Variants in CCDC3 observed in about 807,000 individuals in gnomAD.
CCDC3 encodes coiled-coil domain containing 3.
In CCDC3, 24 loss-of-function variants were observed where a neutral mutation model predicts 21.4. The observed-to-expected ratio is 1.12, with a 90% CI of 0.81 to 1.58. CCDC3 has a LOEUF of 1.58. Among genes scored for constraint, CCDC3 ranks in the 40% most tolerant of loss-of-function variants. The probability of loss-of-function intolerance (pLI) is 0.00; values close to 1 mark genes in which losing one functional copy is unlikely to be tolerated. For missense variants in CCDC3, 425 were observed against 360.9 expected, an observed-to-expected ratio of 1.18 and a Z score of -1.44; for synonymous variants, 186 against 166.0, an observed-to-expected ratio of 1.12 and a Z score of -0.93.
intron 2 of CCDC3, among the ~76,000 whole-genome samples, chr10:12,965,877 G>A (rs1208560668): frequency 6.6e-6 from 1 of 152,224 alleles, no homozygotes; most frequent in African/African-American, 2.4e-5. Flanking sequence ...CTGCACCAAA[G>A]TATGTAGAGA....
chr10:12,963,143 C>T (rs1835205791), intron 2 of CCDC3, among the ~76,000 whole-genome samples: 1 of 152,180 alleles, frequency 6.6e-6, no homozygotes, highest in Middle Eastern at 3.2e-3. Flanking sequence ...GCAATTGAGA[C>T]TGGGTTTCAT....
intron 4 of CCDC3, among the ~76,000 whole-genome samples, chr10:13,050,635 A>T (rs1025774787): frequency 3.3e-5 from 5 of 151,324 alleles, no homozygotes; most frequent in African/African-American, 1.2e-4. Flanking sequence ...TAATTTTTGT[A>T]TTTTTAGTAG....
intron 2 of CCDC3, among the ~76,000 whole-genome samples, chr10:12,906,483 G>A (rs1055201367): frequency 3.3e-5 from 5 of 152,168 alleles, no homozygotes; most frequent in Non-Finnish European, 7.3e-5. Context: ...TCCTGCGTCC[G>A]CTTCCTGATG....
At chr10:13,011,867 A>G (rs533024780) in intron 5 of CCDC3, among the ~76,000 whole-genome samples, 64 of 152,348 alleles carry the variant, frequency 4.2e-4, no homozygotes, top group African/African-American at 9.4e-4. Flanking sequence ...CCAATGGAAC[A>G]GAATAGTGAG....
chr10:12,913,198 A>G (rs527806625), intron 2 of CCDC3, among the ~76,000 whole-genome samples: 1 of 152,172 alleles, frequency 6.6e-6, no homozygotes, highest in Non-Finnish European at 1.5e-5. Flanking sequence ...CACTTTAACA[A>G]TATTCTTCTA....
At chr10:12,943,436 C>T (rs997051191) in intron 2 of CCDC3, among the ~76,000 whole-genome samples, 2 of 152,172 alleles carry the variant, frequency 1.3e-5, no homozygotes, top group Admixed American at 6.5e-5. Context: ...TCCCTTTTAA[C>T]AAAAAGCAGC....
upstream of CCDC3, among the ~76,000 whole-genome samples, chr10:13,002,146 C>T (rs770524157): frequency 2.0e-5 from 3 of 152,306 alleles, no homozygotes; most frequent in South Asian, 4.1e-4. Context: ...CGTGCTCTCT[C>T]AGATTTGCTA....
chr10:13,088,690 G>A (rs1197950417), intron 3 of CCDC3, among the ~76,000 whole-genome samples: 5 of 152,184 alleles, frequency 3.3e-5, no homozygotes, highest in African/African-American at 4.8e-5. Flanking sequence ...GCAGCATTAA[G>A]GAGACAAGAC....
chr10:12,932,482 T>TCC (rs1374780210), intron 2 of CCDC3, among the ~76,000 whole-genome samples: 1 of 152,212 alleles, frequency 6.6e-6, no homozygotes, highest in Admixed American at 6.5e-5. Flanking sequence ...TTGGAGACCA[T>TCC]CCATAGGAAA....
chr10:12,965,322 G>A (rs867476003), intron 2 of CCDC3, among the ~76,000 whole-genome samples: 1 of 152,088 alleles, frequency 6.6e-6, no homozygotes, highest in Non-Finnish European at 1.5e-5. Flanking sequence ...CCTGTTGTCA[G>A]TTTATTTCAT....
chr10:13,019,151 A>G (rs955843464), intron 5 of CCDC3, among the ~76,000 whole-genome samples: 24 of 152,060 alleles, frequency 1.6e-4, no homozygotes, highest in Admixed American at 2.6e-4. Context: ...GGAGAACGGC[A>G]TGAACCCGGG....
chr10:12,914,646 G>A (rs972594083), intron 2 of CCDC3, among the ~76,000 whole-genome samples: 3 of 151,112 alleles, frequency 2.0e-5, no homozygotes, highest in Non-Finnish European at 4.4e-5. Context: ...ATTTTGCTAT[G>A]TTGACCAGGC....
At chr10:12,954,679 G>C (rs1049492294) in intron 2 of CCDC3, among the ~76,000 whole-genome samples, 10 of 152,110 alleles carry the variant, frequency 6.6e-5, no homozygotes, top group African/African-American at 1.9e-4. Context: ...CATTCCCACG[G>C]AGATGGCACC....
At chr10:12,997,514 C>T (rs901982512) in intron 2 of CCDC3, among the ~76,000 whole-genome samples, 1 of 152,158 alleles carries the variant, frequency 6.6e-6, no homozygotes, top group African/African-American at 2.4e-5. Context: ...CATTCCCAAC[C>T]CTTACGATCC....
chr10:12,932,707 C>A (rs976619924), intron 2 of CCDC3, among the ~76,000 whole-genome samples: 1 of 152,144 alleles, frequency 6.6e-6, no homozygotes, highest in Non-Finnish European at 1.5e-5. Flanking sequence ...TGTTGAAAAG[C>A]AGTTCTGACA....
exon 2 of CCDC3, chr10:13,099,128 C>T (rs1282837524): frequency 1.3e-5 from 2 of 152,320 alleles, no homozygotes; most frequent in Non-Finnish European, 2.9e-5. Flanking sequence ...TCCTACACCA[C>T]ACCAACTCGA....
chr10:13,029,839 G>A (rs544566031), intron 5 of CCDC3, among the ~76,000 whole-genome samples: 2 of 152,274 alleles, frequency 1.3e-5, no homozygotes, highest in East Asian at 3.9e-4. Flanking sequence ...TATGGGACTA[G>A]GTGAAAAGAC....
chr10:12,982,121 C>CAAAAAAAAAAAA (rs71386135), intron 2 of CCDC3, among the ~76,000 whole-genome samples: 2 of 33,230 alleles, frequency 6.0e-5, no homozygotes, highest in African/African-American at 2.7e-4. Flanking sequence ...GACTCTGTCT[C>CAAAAAAAAAAAA]AAAAAAAAAA....
chr10:12,962,162 G>A (rs1835188708), intron 2 of CCDC3, among the ~76,000 whole-genome samples: 1 of 152,186 alleles, frequency 6.6e-6, no homozygotes, highest in African/African-American at 2.4e-5. Context: ...GAAGTGGAAG[G>A]ATTTGATATG....
Sources: allele counts gnomAD v4.1 joint callset (sites outside exome capture counted in the v4.1 genomes callset), GRCh38; gene constraint gnomAD v4.1.1; transcripts MANE v1.5; gene names NCBI Gene and HGNC (gene_info 2026-07-23, HGNC 2026-07-21).